GPHN: variants seen among roughly 807,000 people sequenced by gnomAD.
GPHN encodes the protein gephyrin.
GPHN carries 17 observed loss-of-function variants against 95.5 expected under a neutral mutation model. The observed-to-expected ratio is 0.18, with a 90% CI of 0.12 to 0.27. GPHN has a LOEUF of 0.27. Among genes scored for constraint, GPHN ranks in the 10% least tolerant of loss-of-function variants. GPHN has a pLI of 1.00. For synonymous variants in GPHN, 320 were observed against 322.5 expected, an observed-to-expected ratio of 0.99 and a Z score of 0.08; for missense variants, 660 against 978.1, an observed-to-expected ratio of 0.67 and a Z score of 4.34.
the GPHN span, among the ~76,000 whole-genome samples, chr14:67,458,898 G>GT: frequency 6.6e-6 from 1 of 151,620 alleles, no homozygotes; most frequent in African/African-American, 2.4e-5. Context: ...TTTTTGTTTT[G>GT]TTTTTTGAGA....
At chr14:67,692,560 T>C in the GPHN span, 3 of 1,606,680 alleles carry the variant, frequency 1.9e-6, no homozygotes, top group African/African-American at 2.7e-5. Context: ...TTCCCCCTTT[T>C]CCACATCCCG....
the GPHN span, chr14:67,588,410 T>C: frequency 6.6e-6 from 1 of 152,538 alleles, no homozygotes; most frequent in African/African-American, 2.4e-5. Context: ...TTGAGACTTC[T>C]GGCAAACTTC....
At chr14:67,576,419 G>C in the GPHN span, 2 of 1,606,626 alleles carry the variant, frequency 1.2e-6, no homozygotes, top group Non-Finnish European at 1.7e-6. This position sits in a 1 kb window ranked among gnomAD's most constrained non-coding sequence, Gnocchi z 4.0. Flanking sequence ...CCACCTCACA[G>C]TGGCTGCAGG....
chr14:67,145,281 G>C (rs900857406), intron 18 of GPHN, among the ~76,000 whole-genome samples: 13 of 152,260 alleles, frequency 8.5e-5, no homozygotes, highest in Middle Eastern at 6.8e-3. Context: ...TAGTACTCTG[G>C]AGAGGTAACA....
chr14:67,393,464 T>C, the GPHN span, among the ~76,000 whole-genome samples: 1 of 152,160 alleles, frequency 6.6e-6, no homozygotes, highest in South Asian at 2.1e-4. Flanking sequence ...GTTTTTTGTT[T>C]GTTTTTTGAG....
intron 2 of GPHN, among the ~76,000 whole-genome samples, chr14:66,725,714 A>C (rs752843785): frequency 6.6e-6 from 1 of 152,180 alleles, no homozygotes; most frequent in Non-Finnish European, 1.5e-5. Flanking sequence ...AGATAGTTTT[A>C]GTTGCCCCCT....
chr14:67,729,236 C>G, the GPHN span: 1 of 1,611,062 alleles, frequency 6.2e-7, no homozygotes, highest in African/African-American at 1.3e-5. Context: ...GTCGTCCGCT[C>G]TGAGCTGGTC....
chr14:66,659,748 T>C (rs2065529347), intron 1 of GPHN, among the ~76,000 whole-genome samples: 1 of 152,140 alleles, frequency 6.6e-6, no homozygotes, highest in Non-Finnish European at 1.5e-5. Flanking sequence ...TCCTGCTTTC[T>C]TATGTCTACT....
chr14:67,064,665 G>A (rs1181480022), intron 11 of GPHN, among the ~76,000 whole-genome samples: 4 of 152,088 alleles, frequency 2.6e-5, no homozygotes, highest in Non-Finnish European at 4.4e-5. Flanking sequence ...GTCTTGGGAG[G>A]GTGTATGTGT....
chr14:67,215,257 T>C, the GPHN span, among the ~76,000 whole-genome samples: 3 of 152,168 alleles, frequency 2.0e-5, no homozygotes, highest in African/African-American at 4.8e-5. Flanking sequence ...AGGAATCTTC[T>C]AGGGAGCTTT....
the GPHN span, among the ~76,000 whole-genome samples, chr14:67,509,207 C>T: frequency 6.6e-6 from 1 of 152,172 alleles, no homozygotes; most frequent in African/African-American, 2.4e-5. Context: ...GTCTACTTCC[C>T]TACTGCAGGG....
the GPHN span, chr14:67,198,347 A>T: frequency 6.3e-7 from 1 of 1,587,870 alleles, no homozygotes; most frequent in African/African-American, 1.3e-5. Context: ...GCCTGAGTTA[A>T]GTTCCAATAA....
the GPHN span, among the ~76,000 whole-genome samples, chr14:67,633,620 T>G: frequency 2.0e-5 from 3 of 152,194 alleles, no homozygotes; most frequent in African/African-American, 7.2e-5. Context: ...CCAGACCATT[T>G]TCTACACTGC....
At chr14:66,653,865 A>G (rs540477186) in intron 1 of GPHN, among the ~76,000 whole-genome samples, 1 of 152,344 alleles carries the variant, frequency 6.6e-6, no homozygotes, top group African/African-American at 2.4e-5. Flanking sequence ...GTGGGTAAAT[A>G]CAAAACTACT....
chr14:66,786,775 C>G (rs2059791416), intron 3 of GPHN, among the ~76,000 whole-genome samples: 1 of 151,982 alleles, frequency 6.6e-6, no homozygotes, highest in Non-Finnish European at 1.5e-5. Context: ...GATGAAAAAT[C>G]AAATGATCAT....
At chr14:67,528,464 C>T in the GPHN span, among the ~76,000 whole-genome samples, 4 of 152,218 alleles carry the variant, frequency 2.6e-5, no homozygotes, top group Admixed American at 2.0e-4. Context: ...CAGTTCCTCC[C>T]TCCCCCAATT....
the GPHN span, chr14:67,323,755 A>AC: frequency 6.2e-7 from 1 of 1,605,998 alleles, no homozygotes; most frequent in Non-Finnish European, 8.5e-7. Context: ...TCTTCATTGC[A>AC]CCCCCTTCAC....
the GPHN span, among the ~76,000 whole-genome samples, chr14:67,237,917 G>T: frequency 6.6e-6 from 1 of 152,104 alleles, no homozygotes. Context: ...CTATTTTGGG[G>T]GGAATATTAT....
intron 1 of GPHN, among the ~76,000 whole-genome samples, chr14:66,565,870 T>A (rs144604724): frequency 6.6e-6 from 1 of 152,122 alleles, no homozygotes; most frequent in Admixed American, 6.5e-5. Flanking sequence ...AATAGGTAAG[T>A]ATGTACTGGA....
Sources: allele counts gnomAD v4.1 joint callset (sites outside exome capture counted in the v4.1 genomes callset), GRCh38; gene constraint gnomAD v4.1.1; non-coding constraint Gnocchi (gnomAD v3.1); transcripts MANE v1.5; gene names NCBI Gene and HGNC (gene_info 2026-07-23, HGNC 2026-07-21).